ADAMTS3: variants seen among roughly 807,000 people sequenced by gnomAD.
ADAMTS3 encodes A disintegrin and metalloproteinase with thrombospondin motifs 3.
In ADAMTS3, 73 loss-of-function variants were observed where a neutral mutation model predicts 129.0. That is an observed-to-expected ratio of 0.57 (90% CI 0.47 to 0.69). ADAMTS3 has a LOEUF of 0.69. ADAMTS3 is among the 30% of genes least tolerant of loss of function. The pLI is 0.00. For synonymous variants in ADAMTS3, 477 were observed against 510.8 expected, an observed-to-expected ratio of 0.93 and a Z score of 0.89; for missense variants, 1,457 against 1,514.5, an observed-to-expected ratio of 0.96 and a Z score of 0.63.
chr4:72,356,317 G>A (rs1356932526), intron 4 of ADAMTS3, among the ~76,000 whole-genome samples: 1 of 151,786 alleles, frequency 6.6e-6, no homozygotes, highest in Non-Finnish European at 1.5e-5. Flanking sequence ...AAGAGTAGGA[G>A]TATAGTTGAA....
rs199855781 is a variant in ADAMTS3, at chr4:72,456,174, A to G, written c.505-41203T>C. 3.0e-3 allele frequency among the ~76,000 whole-genome samples: 17 copies of G among 5,612 alleles called. 5 individuals are homozygous for G. In the African/African-American group the frequency reaches 0.034, roughly 11 times the overall value. 3.7% of individuals were successfully genotyped at this position (5,612 alleles called of 152,430 possible). A position where few individuals can be genotyped will look rare whatever the true frequency, so the allele number is the denominator to read the frequency against. ...TTTATATATATTTTATATATAGTAT[A>G]TACTATATATATTTTATATATAGTA... On this transcript the variant is annotated intron_variant, in intron 3 of 21. Transcript: ENST00000286657.
intron 4 of ADAMTS3, among the ~76,000 whole-genome samples, chr4:72,385,159 G>A (rs892126345): frequency 6.6e-6 from 1 of 151,324 alleles, no homozygotes; most frequent in African/African-American, 2.4e-5. Context: ...CAGCCTGGGT[G>A]ACAGAGTAAG....
At chr4:72,341,267 A>G (rs907546286) in intron 4 of ADAMTS3, among the ~76,000 whole-genome samples, 19 of 152,160 alleles carry the variant, frequency 1.2e-4, no homozygotes, top group African/African-American at 4.6e-4. Flanking sequence ...TCTGAATGTG[A>G]CTACTCAGGT....
intron 3 of ADAMTS3, among the ~76,000 whole-genome samples, chr4:72,520,231 G>A (rs1256656910): frequency 1.3e-5 from 2 of 152,208 alleles, no homozygotes; most frequent in Admixed American, 1.3e-4. Flanking sequence ...GGCCGTGTGA[G>A]GTGTCAGTCT....
chr4:72,422,196 C>A (rs1722463553), intron 3 of ADAMTS3, among the ~76,000 whole-genome samples: 1 of 152,034 alleles, frequency 6.6e-6, no homozygotes, highest in Non-Finnish European at 1.5e-5. Context: ...AAGTGTCATG[C>A]CTACAATTAT....
At chr4:72,333,532 C>A (rs1719904165) in intron 5 of ADAMTS3, among the ~76,000 whole-genome samples, 1 of 152,122 alleles carries the variant, frequency 6.6e-6, no homozygotes, top group South Asian at 2.1e-4. Flanking sequence ...TAGGGTCTGT[C>A]TTCATTGTCC....
At chr4:72,435,961 A>C (rs1460401648) in intron 3 of ADAMTS3, among the ~76,000 whole-genome samples, 94 of 152,246 alleles carry the variant, frequency 6.2e-4, no homozygotes, top group Admixed American at 6.1e-3. Flanking sequence ...TTCATGACTA[A>C]AACACCAAAA....
chr4:72,509,290 G>A (rs788932), intron 3 of ADAMTS3, among the ~76,000 whole-genome samples: 151,035 of 151,768 alleles, frequency 1, 75,157 homozygotes, highest in Middle Eastern at 1. Flanking sequence ...AGAAATAAAT[G>A]AAATTGAAAT....
At chr4:72,466,089 G>A (rs1718910304) in intron 3 of ADAMTS3, among the ~76,000 whole-genome samples, 1 of 152,098 alleles carries the variant, frequency 6.6e-6, no homozygotes, top group Non-Finnish European at 1.5e-5. Context: ...AATAAAAAGA[G>A]AATAAAAAGG....
At chr4:72,328,824 G>A (rs1357704829) in intron 5 of ADAMTS3, among the ~76,000 whole-genome samples, 1 of 152,138 alleles carries the variant, frequency 6.6e-6, no homozygotes, top group East Asian at 1.9e-4. Flanking sequence ...GATAGCCTGA[G>A]TGATTCTGGC....
intron 4 of ADAMTS3, among the ~76,000 whole-genome samples, chr4:72,363,694 G>T (rs1021065314): frequency 6.6e-6 from 1 of 151,368 alleles, no homozygotes; most frequent in African/African-American, 2.4e-5. Flanking sequence ...AGTAGTGAAA[G>T]AATATACTTT....
At chr4:72,321,032 C>T (rs1578580109) in intron 6 of ADAMTS3, among the ~76,000 whole-genome samples, 162 bp from the exon 7 acceptor site, 1 of 152,176 alleles carries the variant, frequency 6.6e-6, no homozygotes, top group South Asian at 2.1e-4. Context: ...CTTCTAAATG[C>T]CCATGAAGGA....
intron 19 of ADAMTS3, among the ~76,000 whole-genome samples, chr4:72,293,288 T>C (rs191217509): frequency 6.6e-6 from 1 of 152,278 alleles, no homozygotes; most frequent in African/African-American, 2.4e-5. Context: ...AAAGTCTGTT[T>C]GGAAGCAGTT....
At chr4:72,497,867 A>G (rs988968579) in intron 3 of ADAMTS3, among the ~76,000 whole-genome samples, 2 of 152,076 alleles carry the variant, frequency 1.3e-5, no homozygotes, top group African/African-American at 4.8e-5. Flanking sequence ...CTGAATTCAC[A>G]TCGCTAAAGA....
intron 4 of ADAMTS3, among the ~76,000 whole-genome samples, chr4:72,385,919 TA>T (rs890880833): frequency 2.6e-5 from 4 of 152,154 alleles, no homozygotes; most frequent in African/African-American, 9.7e-5. Flanking sequence ...TAGGAAGGCA[TA>T]AAAATCAATG....
At chr4:72,553,269 G>A (rs758519151) in intron 2 of ADAMTS3, among the ~76,000 whole-genome samples, 2 of 152,016 alleles carry the variant, frequency 1.3e-5, no homozygotes, top group Non-Finnish European at 2.9e-5. Flanking sequence ...TAGTATCCAG[G>A]TCTTACCTTT....
At chr4:72,322,267 T>A (rs923664030) in intron 6 of ADAMTS3, among the ~76,000 whole-genome samples, 2 of 152,178 alleles carry the variant, frequency 1.3e-5, no homozygotes, top group Non-Finnish European at 2.9e-5. Context: ...AACACATGGA[T>A]TTTTCCTATT....
intron 17 of ADAMTS3, among the ~76,000 whole-genome samples, 169 bp downstream of exon 17, chr4:72,303,748 G>A (rs1164355882): frequency 6.6e-6 from 1 of 152,086 alleles, no homozygotes; most frequent in Non-Finnish European, 1.5e-5. Flanking sequence ...TAAATTACAT[G>A]AAAATATTGC....
chr4:72,344,804 C>T (rs934103050), intron 4 of ADAMTS3, among the ~76,000 whole-genome samples: 1 of 152,102 alleles, frequency 6.6e-6, no homozygotes, highest in East Asian at 1.9e-4. Flanking sequence ...AGAGGAGAGT[C>T]TGACACTTTA....
Sources: gnomAD v4.1 joint callset for allele counts (sites outside exome capture counted in the v4.1 genomes callset) on GRCh38, gnomAD v4.1.1 for gene constraint, MANE v1.5 for transcripts, NCBI Gene and HGNC (gene_info 2026-07-23, HGNC 2026-07-21) for gene names.